Variants in WDR93 observed in about 807,000 individuals in gnomAD.
WDR93 encodes WD repeat-containing protein 93.
In WDR93, 73 loss-of-function variants were observed where a neutral mutation model predicts 82.9. The ratio of observed to expected loss-of-function variants is 0.88; its 90% CI spans 0.73 to 1.07. The LOEUF is 1.07. Ranked by LOEUF, WDR93 falls within the 50% of genes least tolerant of loss-of-function variation. The probability of loss-of-function intolerance (pLI) is 0.00; values close to 1 mark genes in which losing one functional copy is unlikely to be tolerated. For missense variants in WDR93, 738 were observed against 826.0 expected, an observed-to-expected ratio of 0.89 and a Z score of 1.31; for synonymous variants, 283 against 300.1, an observed-to-expected ratio of 0.94 and a Z score of 0.59.
chr15:89,708,367 T>G lies in WDR93; in HGVS notation c.561+2749T>G, dbSNP rs150300198. Among the ~76,000 whole-genome samples, 611 of 152,170 alleles carry G rather than the reference T, an allele frequency of 4.0e-3. 2 individuals are homozygous for G. The highest frequency in any genetic ancestry group is 0.014 in the African/African-American group (567 of 41,512). On this transcript the variant is annotated intron_variant, in intron 4 of 16. Transcript: ENST00000268130. ...GCAGAGAGCGGACCCCAGAGAGCCC[T>G]GAACAGCCCCACCTCCACCCGTCCT...
At chr15:89,723,091 C>T (rs890699656) in intron 8 of WDR93, among the ~76,000 whole-genome samples, 6 of 151,922 alleles carry the variant, frequency 3.9e-5, no homozygotes, top group African/African-American at 1.5e-4. Flanking sequence ...GTCCTGACTA[C>T]TTGGGAGGCT....
chr15:89,712,014 T>C lies in WDR93; in HGVS notation c.562-12T>C, dbSNP rs769933969. The C allele has an allele frequency of 1.9e-6, 3 of 1,610,578 alleles. No homozygotes were observed. ...GCTATGCCTACTCTATCAACATCTCTTTTGTTTTCAGGATGATACCAGCAA... is the reference window on the plus strand; with the variant it reads ...GCTATGCCTACTCTATCAACATCTCCTTTGTTTTCAGGATGATACCAGCAA... On this transcript the variant is annotated splice_polypyrimidine_tract_variant and intron_variant, in intron 4 of 16. Transcript: ENST00000268130.
At position 89,702,518 on chromosome 15, in the gene WDR93, C is replaced by A. The variant is rs1965517157; in HGVS notation, c.304-432C>A. 2.7e-5 allele frequency among the ~76,000 whole-genome samples: 4 copies of A among 148,120 alleles called. 1 individual carries two copies. In the South Asian group the frequency reaches 8.7e-4, roughly 32 times the overall value. ...TGCTTAGGCAAGAGTTTTAGATGAG[C>A]ACTATGTTTGGGAATGTTGTTTTTT... is the stretch of plus-strand genomic sequence containing the variant. On this transcript the variant is annotated intron_variant, in intron 2 of 16. Coordinates refer to ENST00000268130, the MANE Select transcript of WDR93 (RefSeq NM_020212.2).
At position 89,738,232 on chromosome 15, in the gene WDR93, A is replaced by T. The variant is rs1371227136; in HGVS notation, c.1957A>T (p.Lys653Ter). The T allele has an allele frequency of 1.9e-6, 3 of 1,604,592 alleles. No individual in the cohort carries two copies. The African/African-American group carries it at 4.0e-5, about 22-fold the overall frequency. ...GAAGAGATGTGAGCGTTTCCTCCAG[A>T]AGAGGTAAAGAGCTCTGTGTCTTCA... is the stretch of plus-strand genomic sequence containing the variant. ...LEKRCERFLQ[K>*]SYRKLEKNPE... The change falls in exon 16 of 17, where the codon AAG becomes TAG. Residue 653 changes from lysine (K) to a stop codon, truncating the protein, a stop_gained. Transcript: ENST00000268130. LOFTEE classifies it low-confidence loss of function (END_TRUNC).
In WDR93 at chr15:89,729,031, C is replaced by T. The variant is rs748772980; in HGVS notation, c.1061C>T (p.Thr354Ile). The change falls in exon 10 of 17, where the codon ACC (threonine) becomes ATC (isoleucine). Residue 354 changes from threonine (T) to isoleucine (I), a missense_variant. Transcript: ENST00000268130. ...GTGTCTTTCTTTCCCAGTACGGCCA[C>T]CTTCTATTTCCTTCTTCCTAGCTGC... ...EWEEEPLSTA[T>I]FYFLLPSCLF... 6.2e-7 allele frequency: 1 copy of T among 1,614,168 alleles called. No homozygotes were observed. Among genetic ancestry groups the T allele is most frequent in the Non-Finnish European group, 8.5e-7 (1 of 1,179,992 alleles).
intron 8 of WDR93, among the ~76,000 whole-genome samples, chr15:89,724,552 A>G (rs1177656606): frequency 6.6e-6 from 1 of 152,212 alleles, no homozygotes; most frequent in Non-Finnish European, 1.5e-5. Context: ...TATTTGCAAA[A>G]CACATAAAAC....
Position 89,706,089 on chromosome 15 carries a change from C to A in WDR93, c.561+471C>A, listed in dbSNP as rs546351995. ...TTATATACCCAAGAGGAGCTGATCT[C>A]TCCCTGCTTTGTGCCACTGACAAAG... On this transcript the variant is annotated intron_variant, in intron 4 of 16. Transcript: ENST00000268130. 4.6e-5 allele frequency among the ~76,000 whole-genome samples: 7 copies of A among 152,264 alleles called. No individual in the cohort carries two copies. The South Asian group carries it at 1.0e-3, about 23-fold the overall frequency.
intron 8 of WDR93, among the ~76,000 whole-genome samples, chr15:89,724,851 C>A (rs186548384): frequency 6.6e-6 from 1 of 152,210 alleles, no homozygotes; most frequent in Non-Finnish European, 1.5e-5. Flanking sequence ...TACTCCCATA[C>A]ATTGCATTTA....
rs759242280 is a variant in WDR93 at position 89,729,748 on chromosome 15, C to G, written c.1189C>G (p.Arg397Gly). The change falls in exon 11 of 17, where the codon CGA becomes GGA. Residue 397 changes from arginine to glycine, a missense_variant. Arg to Gly is a moderately radical substitution (Grantham distance 125). Transcript: ENST00000268130. ...CAATTTCTTCCTGTATTCACTAAAC[C>G]GAACTCTAAAGGATAAAGCTGGTAC... ...SHNFFLYSLN[R>G]TLKDKADPEG... 2.5e-6 allele frequency: 4 copies of G among 1,613,388 alleles called. No individual in the cohort carries two copies. The Admixed American group carries it at 6.7e-5, about 27-fold the overall frequency.
intron 9 of WDR93, among the ~76,000 whole-genome samples, chr15:89,728,550 A>G (rs1037271960): frequency 6.6e-6 from 1 of 152,204 alleles, no homozygotes; most frequent in Non-Finnish European, 1.5e-5. Context: ...TTTGCAAGCC[A>G]GTTGTTAAAC....
intron 8 of WDR93, among the ~76,000 whole-genome samples, chr15:89,724,636 C>T (rs1966659225): frequency 6.6e-6 from 1 of 151,956 alleles, no homozygotes; most frequent in African/African-American, 2.4e-5. Context: ...GAATCCAGTA[C>T]AAAACATGCA....
intron 9 of WDR93, among the ~76,000 whole-genome samples, chr15:89,727,910 G>A (rs1966802070): frequency 6.6e-6 from 1 of 151,972 alleles, no homozygotes; most frequent in South Asian, 2.1e-4. Context: ...CGGTGAAACC[G>A]ACTCTACTAA....
chr15:89,729,553 C>A (rs915350936), intron 10 of WDR93, 130 bp from the exon 11 acceptor site: 5 of 692,582 alleles, frequency 7.2e-6, no homozygotes, highest in East Asian at 2.7e-5. Context: ...GGGTGCTGCC[C>A]ATTAAAACAA....
chr15:89,690,667 C>G (rs953305673), upstream of WDR93: 3 of 1,525,682 alleles, frequency 2.0e-6, no homozygotes, highest in East Asian at 2.5e-5. Flanking sequence ...TCGCACGGGG[C>G]TCAGGCGTGG....
At chr15:89,719,292 C>G (rs1966410661) in intron 7 of WDR93, among the ~76,000 whole-genome samples, 1 of 152,120 alleles carries the variant, frequency 6.6e-6, no homozygotes. Context: ...GTTGCTCAGG[C>G]TGGGCATTAT....
intron 7 of WDR93, among the ~76,000 whole-genome samples, chr15:89,718,805 G>A (rs1406061574): frequency 1.3e-5 from 2 of 152,140 alleles, no homozygotes; most frequent in Non-Finnish European, 2.9e-5. Flanking sequence ...AGTAGAGACA[G>A]GGTTTCACTA....
chr15:89,731,264 C>A (rs1169256116), intron 11 of WDR93, among the ~76,000 whole-genome samples, 179 bp from the exon 12 acceptor site: 1 of 152,200 alleles, frequency 6.6e-6, no homozygotes, highest in Non-Finnish European at 1.5e-5. Flanking sequence ...ATTATCTTAT[C>A]ATCCTAGGCA....
chr15:89,697,595 A>T (rs1437422481), intron 1 of WDR93, among the ~76,000 whole-genome samples: 1 of 152,226 alleles, frequency 6.6e-6, no homozygotes, highest in Non-Finnish European at 1.5e-5. Context: ...GCACTTAAAA[A>T]TAATTTGCAA....
chr15:89,741,956 T>C (rs113384702), intron 16 of WDR93, among the ~76,000 whole-genome samples: 2,983 of 152,312 alleles, frequency 0.02, 111 homozygotes, highest in African/African-American at 0.068. Flanking sequence ...TTTCACCATG[T>C]TGGCCAGGAT....
Sources: allele counts gnomAD v4.1 joint callset (sites outside exome capture counted in the v4.1 genomes callset), GRCh38; gene constraint gnomAD v4.1.1; transcripts MANE v1.5; gene names NCBI Gene and HGNC (gene_info 2026-07-23, HGNC 2026-07-21).